The following PTRH1 variants were observed in gnomAD, a reference collection of about 807,000 sequenced individuals.
The protein encoded by PTRH1 is peptidyl-tRNA hydrolase.
A neutral mutation model predicts 15.7 loss-of-function variants in PTRH1; 13 were observed. The observed-to-expected ratio is 0.83, with a 90% confidence interval of 0.54 to 1.31. The LOEUF is 1.31. Among genes scored for constraint, PTRH1 ranks in the 40% most tolerant of loss-of-function variants. The pLI, the probability that PTRH1 is intolerant of heterozygous loss-of-function variation, is 0.00. For synonymous variants in PTRH1, 139 were observed against 136.7 expected (o/e 1.02, Z -0.12); for missense variants, 319 against 296.2 (o/e 1.08, Z -0.56).
chr9:127,704,505 CAAAAAA>C (rs374789277), intron 1 of PTRH1, among the ~76,000 whole-genome samples: 3 of 50,452 alleles, frequency 5.9e-5, no homozygotes, highest in Non-Finnish European at 8.7e-5. Context: ...GACACTGTCT[CAAAAAA>C]AAAAAAAAAA....
chr9:127,713,108 G>T, downstream of PTRH1: 1 of 1,613,490 alleles, frequency 6.2e-7, no homozygotes, highest in East Asian at 2.2e-5. Flanking sequence ...TCTAGGCCTG[G>T]TACCTCGCCA....
chr9:127,707,197 G>T (rs769176716), intron 1 of PTRH1: 1 of 1,609,090 alleles, frequency 6.2e-7, no homozygotes, highest in South Asian at 1.1e-5. Flanking sequence ...AGCCCGGTGC[G>T]TGGGCTGGCG....
At chr9:127,714,901 G>T in intron 2 of PTRH1, 74 bp downstream of exon 2, 1 of 1,043,720 alleles carries the variant, frequency 9.6e-7, no homozygotes, top group Non-Finnish European at 1.4e-6. Flanking sequence ...CACAGCCAGT[G>T]CTCCCCTCTG....
chr9:127,708,810 C>A (rs528204087), downstream of PTRH1, among the ~76,000 whole-genome samples: 6 of 152,312 alleles, frequency 3.9e-5, no homozygotes, highest in South Asian at 6.2e-4. Context: ...CAAGAAGGGT[C>A]CACTGAGGAG....
intron 1 of PTRH1, among the ~76,000 whole-genome samples, chr9:127,698,581 T>C (rs970319170): frequency 4.6e-5 from 7 of 152,066 alleles, no homozygotes; most frequent in Non-Finnish European, 7.4e-5. Flanking sequence ...CCCCAACTAC[T>C]TGGGAGGCTT....
At chr9:127,695,076 G>A (rs1273138654) in exon 2 of PTRH1, 14 of 702,376 alleles carry the variant, frequency 2.0e-5, no homozygotes, top group South Asian at 5.9e-5. Context: ...TGATGATGAT[G>A]ATGATGATGA....
At chr9:127,712,671 C>T (rs1842794125), downstream of PTRH1, 1 of 1,613,964 alleles carries the variant, frequency 6.2e-7, no homozygotes, top group East Asian at 2.2e-5. Flanking sequence ...GGTACTGGGG[C>T]CACTGTGGGC....
rs771496957 is a variant in PTRH1, at chr9:127,715,653, A to C, written c.-14T>G. ...GCCCGGCCTCATGCTGCCCCCATTC[A>C]CTCCGACACCGCCCCCTGACGTCAT... On this transcript the variant is annotated 5_prime_UTR_variant, in exon 1 of 5. Transcript: ENST00000543175. The surrounding 1 kb of genome is among the most constrained non-coding windows in gnomAD (Gnocchi z 5.8). 11 of 1,607,108 alleles carry C rather than the reference A, an allele frequency of 6.8e-6. No homozygotes were observed. Among genetic ancestry groups the C allele is most frequent in the Middle Eastern group, 3.3e-4 (2 of 6,034 alleles).
chr9:127,701,022 G>T (rs986731876), intron 1 of PTRH1, among the ~76,000 whole-genome samples: 1 of 152,212 alleles, frequency 6.6e-6, no homozygotes, highest in Non-Finnish European at 1.5e-5. Flanking sequence ...AACATGGGTC[G>T]AATGGTACAT....
intron 2 of PTRH1, 34 bp downstream of exon 2, chr9:127,714,941 G>GGCCCCCCCCCCCCCCCCCCCCCC: frequency 2.9e-5 from 13 of 446,376 alleles, no homozygotes; most frequent in South Asian, 6.3e-5. Context: ...CACCCCCTTG[G>GGCCCCCCCCCCCCCCCCCCCCCC]CCCGCCCGCC....
chr9:127,713,496 CTTTTTTTTTTTTTTT>C (rs58502035), downstream of PTRH1: 18 of 90,928 alleles, frequency 2.0e-4, no homozygotes, highest in African/African-American at 6.1e-4. Context: ...CAGCATCTTT[CTTTTTTTTTTTTTTT>C]TTTTTTTTTT....
At chr9:127,711,164 A>C, downstream of PTRH1, 5 of 1,565,430 alleles carry the variant, frequency 3.2e-6, no homozygotes, top group Non-Finnish European at 4.3e-6. Flanking sequence ...GAACCTCACA[A>C]AGGGGTGTGC....
intron 1 of PTRH1, among the ~76,000 whole-genome samples, chr9:127,708,170 T>TA (rs777007609): frequency 1.2e-4 from 18 of 152,284 alleles, no homozygotes; most frequent in Admixed American, 2.6e-4. Context: ...GTTGGTCAAC[T>TA]AAATTATGAT....
intron 1 of PTRH1, among the ~76,000 whole-genome samples, chr9:127,696,989 A>G (rs574051819): frequency 3.1e-4 from 47 of 152,360 alleles, no homozygotes; most frequent in African/African-American, 1.1e-3. Context: ...GCAGCAAAAA[A>G]GAAGAAAAAG....
In PTRH1 at chr9:127,705,789, C is replaced by G. The variant is rs1037172748; in HGVS notation, c.205+9646G>C. Reference sequence around the variant, plus strand: ...CTGGGCCAGGCCTCCCCGCTCTCCCCACAAGGCCTGGGCAGCCAGAGCTCC... The same window carrying G: ...CTGGGCCAGGCCTCCCCGCTCTCCCGACAAGGCCTGGGCAGCCAGAGCTCC... On this transcript the variant is annotated intron_variant, in intron 1 of 2. Transcript: ENST00000335223. The surrounding 1 kb of genome is among the most constrained non-coding windows in gnomAD (Gnocchi z 4.7). Among the ~76,000 whole-genome samples the G allele has an allele frequency of 2.2e-4, 34 of 152,362 alleles. No homozygotes were observed. The highest frequency in any genetic ancestry group is 3.8e-4 in the Non-Finnish European group (26 of 68,022).
intron 2 of PTRH1, 69 bp downstream of exon 2, chr9:127,714,906 C>G: frequency 1.0e-6 from 1 of 999,422 alleles, no homozygotes; most frequent in Non-Finnish European, 1.4e-6. Flanking sequence ...CCAGTGCTCC[C>G]CTCTGGCCCC....
downstream of PTRH1, chr9:127,709,617 C>T (rs759381444): frequency 4.9e-5 from 79 of 1,613,790 alleles, no homozygotes; most frequent in Middle Eastern, 1.6e-4. The surrounding 1 kb of genome is among the most constrained non-coding windows in gnomAD (Gnocchi z 4.7). Flanking sequence ...AGGATGCCTT[C>T]GAGGCGCAGC....
At chr9:127,709,599 G>C (rs770747114), downstream of PTRH1, 3 of 1,614,042 alleles carry the variant, frequency 1.9e-6, no homozygotes, top group Admixed American at 5.0e-5. The surrounding 1 kb of genome is among the most constrained non-coding windows in gnomAD (Gnocchi z 4.7). Flanking sequence ...TAGCCAAAGA[G>C]ATGGAGAAGG....
intron 1 of PTRH1, among the ~76,000 whole-genome samples, chr9:127,707,353 C>A (rs1329910489): frequency 6.6e-6 from 1 of 152,232 alleles, no homozygotes; most frequent in Non-Finnish European, 1.5e-5. Flanking sequence ...TCATACGTAC[C>A]TTTGGGAGGT....
Sources: gnomAD v4.1 joint callset for allele counts (sites outside exome capture counted in the v4.1 genomes callset) on GRCh38, gnomAD v4.1.1 for gene constraint, Gnocchi (gnomAD v3.1) non-coding constraint, MANE v1.5 for transcripts, NCBI Gene and HGNC (gene_info 2026-07-23, HGNC 2026-07-21) for gene names.